The following CHRM5 variants were observed in gnomAD, a reference collection of about 807,000 sequenced individuals.
The protein encoded by CHRM5 is cholinergic receptor muscarinic 5.
A neutral mutation model predicts 39.0 loss-of-function variants in CHRM5; 18 were observed. The observed-to-expected ratio is 0.46, with a 90% CI of 0.32 to 0.68. The LOEUF (loss-of-function observed/expected upper bound fraction) is 0.68. CHRM5 is among the 30% of genes least tolerant of loss of function. The probability of loss-of-function intolerance (pLI) is 0.04; values close to 1 mark genes in which losing one functional copy is unlikely to be tolerated. For missense variants in CHRM5, 515 were observed against 651.1 expected (o/e 0.79, Z 2.28); for synonymous variants, 241 against 246.3 (o/e 0.98, Z 0.20).
At chr15:33,983,146 G>GTGTGTA (rs1555512729) in intron 1 of CHRM5, among the ~76,000 whole-genome samples, 1 of 115,256 alleles carries the variant, frequency 8.7e-6, no homozygotes, top group African/African-American at 4.6e-5. Flanking sequence ...GTGTGTGTGT[G>GTGTGTA]TGTGTGTGTG....
At chr15:34,005,972 T>C (rs1415122096) in intron 1 of CHRM5, among the ~76,000 whole-genome samples, 10 of 152,158 alleles carry the variant, frequency 6.6e-5, no homozygotes, top group African/African-American at 2.4e-4. Flanking sequence ...TAAAGAGATA[T>C]AATAGAATCT....
At chr15:33,987,446 G>A (rs73385792) in intron 1 of CHRM5, among the ~76,000 whole-genome samples, 2,229 of 152,272 alleles carry the variant, frequency 0.015, 69 homozygotes, top group African/African-American at 0.052. Context: ...CACAGTGTTA[G>A]GATGGAATAA....
intron 1 of CHRM5, among the ~76,000 whole-genome samples, chr15:33,973,030 T>A (rs1257854944): frequency 1.3e-5 from 2 of 152,204 alleles, no homozygotes; most frequent in African/African-American, 4.8e-5. Context: ...TTACAACCAA[T>A]GGGTTATTCA....
chr15:34,039,653 G>A lies in CHRM5; in HGVS notation c.-407-6887G>A, dbSNP rs865791161. Among the ~76,000 whole-genome samples, 7 of 152,162 alleles carry A rather than the reference G, an allele frequency of 4.6e-5. No homozygotes were observed. In the South Asian group the frequency reaches 8.3e-4, roughly 18 times the overall value. On this transcript the variant is annotated intron_variant, in intron 1 of 2. Transcript: ENST00000383263. ...GGTGGACTGCAGCACGTGGGAGAGA[G>A]AACAGTGCGAAACTGGGAGATGGCT...
At chr15:33,977,972 A>G (rs1257965648) in intron 1 of CHRM5, among the ~76,000 whole-genome samples, 1 of 150,828 alleles carries the variant, frequency 6.6e-6, no homozygotes, top group East Asian at 2.0e-4. Context: ...AGAGAAAGAG[A>G]AAAGGAAAAA....
At chr15:34,047,630 T>C (rs577473735) in intron 2 of CHRM5, among the ~76,000 whole-genome samples, 1 of 152,308 alleles carries the variant, frequency 6.6e-6, no homozygotes, top group East Asian at 1.9e-4. Context: ...TGTGGTTCAG[T>C]TGACTCAGCC....
chr15:34,029,616 A>C (rs749671004), intron 1 of CHRM5, among the ~76,000 whole-genome samples: 22 of 152,176 alleles, frequency 1.4e-4, no homozygotes, highest in Non-Finnish European at 2.6e-4. Flanking sequence ...AAAAGAAAAG[A>C]AGCAGCAAAA....
At chr15:34,061,799 T>C (rs77419860) in intron 2 of CHRM5, among the ~76,000 whole-genome samples, 3,337 of 152,280 alleles carry the variant, frequency 0.022, 99 homozygotes, top group African/African-American at 0.055. Context: ...AAACCAGATA[T>C]GCACTTGGAG....
At position 34,058,774 on chromosome 15, in the gene CHRM5, G is replaced by A. The variant is rs1260145440; in HGVS notation, c.-75-3869G>A. ...CAAAATGAAGAATTGCCTGATTCTAGAATCACAAATAAAGCCAACTGAGAT... is the reference window on the plus strand; with the variant it reads ...CAAAATGAAGAATTGCCTGATTCTAAAATCACAAATAAAGCCAACTGAGAT... On this transcript the variant is annotated intron_variant, in intron 2 of 2. Coordinates refer to ENST00000383263, the MANE Select transcript of CHRM5 (RefSeq NM_012125.4). 2.0e-5 allele frequency among the ~76,000 whole-genome samples: 3 copies of A among 152,246 alleles called. No homozygotes were observed. The East Asian group carries it at 5.8e-4, about 29-fold the overall frequency.
intron 1 of CHRM5, among the ~76,000 whole-genome samples, chr15:34,016,003 G>A (rs1178975317): frequency 6.6e-6 from 1 of 152,156 alleles, no homozygotes; most frequent in Non-Finnish European, 1.5e-5. Flanking sequence ...GCGGCTGGGC[G>A]CGGTGGCTCA....
rs1171996148 is a variant in CHRM5 at position 33,968,620 on chromosome 15, G to A, written c.-938G>A. The A allele has an allele frequency of 6.6e-6, 1 of 152,122 alleles. No homozygotes were observed. Among genetic ancestry groups the A allele is most frequent in the Admixed American group, 6.6e-5 (1 of 15,252 alleles). The allele number at this position is 152,122 out of a possible 1,614,324, so 9.4% of individuals were successfully genotyped here. On this transcript the variant is annotated 5_prime_UTR_variant, in exon 1 of 3. Transcript: ENST00000383263. ...GGGTTACAAAAGCATGAGGAGGACA[G>A]AAGAAATGCCTTCATCTTCTACAGA...
intron 1 of CHRM5, among the ~76,000 whole-genome samples, chr15:33,976,138 T>C (rs1895877249): frequency 6.6e-6 from 1 of 152,172 alleles, no homozygotes; most frequent in African/African-American, 2.4e-5. Flanking sequence ...ACCAGCAGGA[T>C]ATATTGGATA....
chr15:34,003,338 A>G, intron 1 of CHRM5: 1 of 761,676 alleles, frequency 1.3e-6, no homozygotes, highest in Non-Finnish European at 2.1e-6. Context: ...TGAAGATATT[A>G]AATATTATTT....
At chr15:33,973,736 C>T (rs900208679) in intron 1 of CHRM5, among the ~76,000 whole-genome samples, 3 of 152,124 alleles carry the variant, frequency 2.0e-5, no homozygotes, top group East Asian at 1.9e-4. Flanking sequence ...GTCTGACATA[C>T]GAAATTGCAT....
intron 1 of CHRM5, among the ~76,000 whole-genome samples, chr15:33,982,284 T>A (rs1015883492): frequency 2.0e-5 from 3 of 152,140 alleles, no homozygotes; most frequent in Non-Finnish European, 4.4e-5. Context: ...TTGGCCCTAA[T>A]GCATTTTTCA....
chr15:34,030,772 G>T (rs149310771), intron 1 of CHRM5, among the ~76,000 whole-genome samples: 1 of 151,716 alleles, frequency 6.6e-6, no homozygotes, highest in African/African-American at 2.4e-5. Flanking sequence ...GTGCACCACC[G>T]TGCCTGGCTA....
intron 1 of CHRM5, among the ~76,000 whole-genome samples, chr15:34,040,116 A>G (rs1368824528): frequency 6.6e-6 from 1 of 152,156 alleles, no homozygotes; most frequent in African/African-American, 2.4e-5. Flanking sequence ...CATTGCTTCT[A>G]ATTGCCTACT....
intron 1 of CHRM5, among the ~76,000 whole-genome samples, chr15:33,978,988 T>C (rs1297749929): frequency 1.3e-5 from 2 of 152,074 alleles, no homozygotes; most frequent in Non-Finnish European, 2.9e-5. Context: ...AGACAATAAA[T>C]GGGACCTACT....
chr15:34,000,715 A>G (rs1169444418), intron 1 of CHRM5, among the ~76,000 whole-genome samples: 1 of 152,210 alleles, frequency 6.6e-6, no homozygotes, highest in Non-Finnish European at 1.5e-5. Flanking sequence ...CAAAACACTG[A>G]GTATGAAGAA....
Sources: allele counts gnomAD v4.1 joint callset (sites outside exome capture counted in the v4.1 genomes callset), GRCh38; gene constraint gnomAD v4.1.1; transcripts MANE v1.5; gene names NCBI Gene and HGNC (gene_info 2026-07-23, HGNC 2026-07-21).